Variants in CHD9 observed in about 807,000 individuals in gnomAD.
The protein encoded by CHD9 is chromodomain helicase DNA binding protein 9, also known as ATP-dependent chromatin remodeler CHD9.
In CHD9, 77 loss-of-function variants were observed where a neutral mutation model predicts 316.1. The ratio of observed to expected loss-of-function variants is 0.24; its 90% confidence interval spans 0.20 to 0.29. CHD9 has a LOEUF of 0.29. CHD9 is among the 10% of genes least tolerant of loss of function. CHD9 has a pLI of 1.00. For synonymous variants in CHD9, 1,129 were observed against 1,158.3 expected, an observed-to-expected ratio of 0.97 and a Z score of 0.51; for missense variants, 2,763 against 3,438.1, an observed-to-expected ratio of 0.80 and a Z score of 4.91.
At chr16:53,229,731 T>C (rs1304858866) in intron 8 of CHD9, among the ~76,000 whole-genome samples, 1 of 152,230 alleles carries the variant, frequency 6.6e-6, no homozygotes, top group Non-Finnish European at 1.5e-5. Flanking sequence ...TGCTTTATCA[T>C]TTGTATTCAT....
intron 17 of CHD9, among the ~76,000 whole-genome samples, chr16:53,253,395 A>C (rs1164175831): frequency 6.6e-6 from 1 of 152,190 alleles, no homozygotes; most frequent in Non-Finnish European, 1.5e-5. Context: ...CTAAGCTGTG[A>C]GGACACAAAG....
At chr16:53,218,812 ACT>A (rs2046988226) in intron 3 of CHD9, among the ~76,000 whole-genome samples, 1 of 152,096 alleles carries the variant, frequency 6.6e-6, no homozygotes, top group Non-Finnish European at 1.5e-5. Context: ...AAACAACTAC[ACT>A]CTCCGTGTGT....
intron 30 of CHD9, among the ~76,000 whole-genome samples, chr16:53,303,251 G>T: frequency 6.9e-6 from 1 of 145,508 alleles, no homozygotes; most frequent in African/African-American, 2.6e-5. Context: ...TTTTATATGT[G>T]GCCCAATACA....
intron 1 of CHD9, among the ~76,000 whole-genome samples, chr16:53,067,285 C>A (rs896504865): frequency 1.3e-5 from 2 of 152,134 alleles, no homozygotes; most frequent in African/African-American, 4.8e-5. Context: ...ACATTTGTTA[C>A]AATTAACTGA....
At chr16:53,207,955 A>G in intron 2 of CHD9, 2 of 829,394 alleles carry the variant, frequency 2.4e-6, no homozygotes, top group Non-Finnish European at 2.9e-6. Flanking sequence ...CTACTTCCGC[A>G]GAAGGAGTCA....
At chr16:53,141,297 C>T (rs2040088038) in intron 1 of CHD9, among the ~76,000 whole-genome samples, 1 of 152,126 alleles carries the variant, frequency 6.6e-6, no homozygotes, top group African/African-American at 2.4e-5. Flanking sequence ...ACCAGGATTC[C>T]AGCCTTAACA....
At chr16:53,203,291 C>G (rs1469449642) in intron 2 of CHD9, among the ~76,000 whole-genome samples, 1 of 152,122 alleles carries the variant, frequency 6.6e-6, no homozygotes. Context: ...AAGATACTTT[C>G]CTTTTGACTG....
At chr16:53,291,323 A>G (rs529862045) in intron 27 of CHD9, among the ~76,000 whole-genome samples, 1 of 152,338 alleles carries the variant, frequency 6.6e-6, no homozygotes, top group African/African-American at 2.4e-5. Flanking sequence ...CTAAAAAGGA[A>G]AAGATTTGTA....
chr16:53,252,100 A>ATTTGTT (rs749345062), intron 17 of CHD9, among the ~76,000 whole-genome samples: 51 of 152,112 alleles, frequency 3.4e-4, no homozygotes, highest in Non-Finnish European at 6.6e-4. Flanking sequence ...CCAAAGCAAG[A>ATTTGTT]CTAAGCCAAA....
Position 53,303,928 on chromosome 16 carries a change from T to C in CHD9, c.5922T>C (p.Ala1974=). ...ATGATAGGGATTTGCTTATTGGTGC[T>C]GCCAAACACGGGGTGAGCCGAACAG... ...GPHDRDLLIG[A]AKHGVSRTDY... The change falls in exon 31 of 39, where the codon GCT becomes GCC. Residue 1974 remains alanine, a synonymous_variant. Transcript: ENST00000447540. 2 of 1,614,032 alleles carry C rather than the reference T, an allele frequency of 1.2e-6. No homozygotes were observed. The highest frequency in any genetic ancestry group is 1.7e-6 in the Non-Finnish European group (2 of 1,179,886).
chr16:53,199,774 T>C (rs2045274979), intron 2 of CHD9, among the ~76,000 whole-genome samples: 1 of 152,210 alleles, frequency 6.6e-6, no homozygotes, highest in South Asian at 2.1e-4. Flanking sequence ...ACCATTAAAC[T>C]ATTCTTACCA....
intron 1 of CHD9, among the ~76,000 whole-genome samples, chr16:53,065,400 A>G (rs892851940): frequency 6.6e-6 from 1 of 152,070 alleles, no homozygotes. Context: ...TTGGGAGACA[A>G]AGGCAGAAGG....
At chr16:53,124,887 A>G (rs953675904) in intron 1 of CHD9, among the ~76,000 whole-genome samples, 1 of 152,302 alleles carries the variant, frequency 6.6e-6, no homozygotes. Context: ...GGGAGCTACA[A>G]TTCGAGTTTT....
chr16:53,226,510 G>C lies in CHD9; in HGVS notation c.2041G>C (p.Val681Leu), dbSNP rs769534090. 5 of 1,595,746 alleles carry C rather than the reference G, an allele frequency of 3.1e-6. No homozygotes were observed. The highest frequency in any genetic ancestry group is 4.3e-6 in the Non-Finnish European group (5 of 1,175,676). ...LPGEQPLQLF[V>L]ENPSEEDAAI... The stretch of plus-strand genomic sequence containing the variant: ...TGGTGAACAGCCTTTACAATTGTTT[G>C]TGGTAAGCATATTTGGGATTATGAC... Residue 681 changes from valine (V) to leucine (L), a missense_variant and splice_region_variant, in exon 5 of 39, where the codon GTG becomes CTG. Coordinates refer to ENST00000447540, the MANE Select transcript of CHD9 (RefSeq NM_001308319.2).
At chr16:53,192,384 A>G (rs1433162663) in intron 2 of CHD9, among the ~76,000 whole-genome samples, 1 of 152,232 alleles carries the variant, frequency 6.6e-6, no homozygotes, top group Non-Finnish European at 1.5e-5. Flanking sequence ...ATTAAGGGAA[A>G]GGAATAAATA....
intron 1 of CHD9, among the ~76,000 whole-genome samples, chr16:53,146,415 G>GTA (rs149684203): frequency 3.1e-5 from 2 of 64,476 alleles, no homozygotes; most frequent in South Asian, 4.7e-4. Context: ...GTGTGTGTGT[G>GTA]TATGTATATA....
chr16:53,184,118 G>A (rs2043780881), intron 2 of CHD9, among the ~76,000 whole-genome samples: 1 of 151,822 alleles, frequency 6.6e-6, no homozygotes, highest in Admixed American at 6.6e-5. Flanking sequence ...CTAATTTTTT[G>A]TGTTTTTAGT....
intron 1 of CHD9, among the ~76,000 whole-genome samples, chr16:53,149,468 A>G (rs1446926672): frequency 6.6e-6 from 1 of 151,770 alleles, no homozygotes; most frequent in African/African-American, 2.4e-5. Context: ...AGGTGCATAC[A>G]TGTTTATAAT....
Position 53,293,607 on chromosome 16 carries a change from C to T in CHD9, c.5510+555C>T, listed in dbSNP as rs181560892. ...TTGCAGCCTAAGTGACAGAGCAAGACGGTCTCAAAAAGTAGAAACAAAAAA... is the reference window on the plus strand; with the variant it reads ...TTGCAGCCTAAGTGACAGAGCAAGATGGTCTCAAAAAGTAGAAACAAAAAA... On this transcript the variant is annotated intron_variant, in intron 29 of 38. Coordinates refer to ENST00000447540, the MANE Select transcript of CHD9 (RefSeq NM_001308319.2). Among the ~76,000 whole-genome samples, 551 of 152,034 alleles carry T rather than the reference C, an allele frequency of 3.6e-3. 2 individuals carry two copies. Among genetic ancestry groups the T allele is most frequent in the African/African-American group, 0.012 (511 of 41,460 alleles).
Sources: allele counts gnomAD v4.1 joint callset (sites outside exome capture counted in the v4.1 genomes callset), GRCh38; gene constraint gnomAD v4.1.1; transcripts MANE v1.5; gene names NCBI Gene and HGNC (gene_info 2026-07-23, HGNC 2026-07-21).